Variants in FAM228B observed in about 807,000 individuals in gnomAD.
The protein encoded by FAM228B is protein FAM228B.
A neutral mutation model predicts 42.6 loss-of-function variants in FAM228B; 38 were observed. The ratio of observed to expected loss-of-function variants is 0.89; its 90% CI spans 0.69 to 1.17. The LOEUF is 1.17. Among genes scored for constraint, FAM228B ranks in the 50% most tolerant of loss-of-function variants. The probability of loss-of-function intolerance (pLI) is 0.00; values close to 1 mark genes in which losing one functional copy is unlikely to be tolerated. For synonymous variants in FAM228B, 109 were observed against 122.3 expected (o/e 0.89, Z 0.72); for missense variants, 344 against 367.3 (o/e 0.94, Z 0.52).
intron 3 of FAM228B, among the ~76,000 whole-genome samples, chr2:24,115,100 G>GT (rs1665872951): frequency 6.6e-6 from 1 of 152,226 alleles, no homozygotes; most frequent in Admixed American, 6.5e-5. Context: ...GCAGGGAGTT[G>GT]TATTACAGGA....
chr2:24,089,641 G>C (rs1482201918), intron 2 of FAM228B, among the ~76,000 whole-genome samples: 3 of 152,108 alleles, frequency 2.0e-5, no homozygotes, highest in African/African-American at 4.8e-5. Context: ...ACTCAGGGTA[G>C]CCCTGAATCC....
intron 7 of FAM228B, among the ~76,000 whole-genome samples, chr2:24,153,557 G>A (rs893862218): frequency 6.6e-6 from 1 of 152,224 alleles, no homozygotes; most frequent in Non-Finnish European, 1.5e-5. Context: ...GGCTGAGCTG[G>A]TATCCGAGAT....
chr2:24,159,567 C>T (rs974908326), intron 7 of FAM228B, among the ~76,000 whole-genome samples: 1 of 152,110 alleles, frequency 6.6e-6, no homozygotes, highest in Non-Finnish European at 1.5e-5. Context: ...TTGGGTACAT[C>T]CAAGAGGAAA....
chr2:24,112,584 G>A (rs1415377849), intron 3 of FAM228B, among the ~76,000 whole-genome samples: 2 of 152,128 alleles, frequency 1.3e-5, no homozygotes, highest in African/African-American at 2.4e-5. Flanking sequence ...TTATGGGCAT[G>A]AGCCACCATG....
rs137959025 is a variant in FAM228B, at chr2:24,081,642, T to C, written c.-210+687T>C. ...CAGCCTCATTTTTCACAAATCACAA[T>C]AGTCATCCTTCACTACTGAGTGCAG... On this transcript the variant is annotated intron_variant, in intron 2 of 10. Coordinates refer to the FAM228B transcript ENST00000613899. Among the ~76,000 whole-genome samples the C allele has an allele frequency of 2.6e-5, 4 of 152,156 alleles. No individual in the cohort carries two copies. In the East Asian group the frequency reaches 7.7e-4, roughly 29 times the overall value.
upstream of FAM228B, chr2:24,122,778 G>C (rs1246655429): frequency 4.5e-5 from 16 of 356,804 alleles, no homozygotes; most frequent in Middle Eastern, 7.2e-4. Context: ...AGCTGAGTTT[G>C]GAAAATCACA....
intron 7 of FAM228B, among the ~76,000 whole-genome samples, chr2:24,160,610 A>G (rs1263477381): frequency 1.3e-5 from 2 of 151,684 alleles, no homozygotes; most frequent in African/African-American, 2.4e-5. Flanking sequence ...TCCCCCCAAT[A>G]TGCTTGTTCA....
chr2:24,155,583 CAGGTTG>C (rs1667123764), intron 7 of FAM228B, among the ~76,000 whole-genome samples: 1 of 117,916 alleles, frequency 8.5e-6, no homozygotes, highest in Non-Finnish European at 1.6e-5. Flanking sequence ...GCCTGTTGCT[CAGGTTG>C]GATTGCAGTG....
chr2:24,077,525 G>A lies in FAM228B; in HGVS notation c.-290+556G>A. The A allele has an allele frequency of 4.5e-6, 7 of 1,548,886 alleles. No homozygotes were observed. In the South Asian group the frequency reaches 8.4e-5, roughly 19 times the overall value. ...GCCTGTCTATTGTGAATCTTCTCCA[G>A]GTTTGCTCTGGAAAGGCCTGGGGTG... On this transcript the variant is annotated intron_variant, in intron 1 of 10. Transcript: ENST00000613899. This position sits in a 1 kb window ranked among gnomAD's most constrained non-coding sequence, Gnocchi z 5.5.
Position 24,123,507 on chromosome 2 carries a change from C to G in FAM228B, c.-59C>G, listed in dbSNP as rs951790006. 5 of 152,298 alleles carry G rather than the reference C, an allele frequency of 3.3e-5. No individual in the cohort carries two copies. Among genetic ancestry groups the G allele is most frequent in the African/African-American group, 1.2e-4 (5 of 41,562 alleles). 9.4% of individuals were successfully genotyped at this position (152,298 alleles called of 1,614,324 possible). A position where few individuals can be genotyped will look rare whatever the true frequency, so the allele number is the denominator to read the frequency against. ...AACCCGCGGCGCAGGGGGCGGAGTG[C>G]TCGCGCGGCGCTGCGTCCGGGAGAC... On this transcript the variant is annotated 5_prime_UTR_variant, in exon 1 of 11. Coordinates refer to ENST00000615575, the MANE Select transcript of FAM228B (RefSeq NM_001145710.2).
At chr2:24,140,823 G>A (rs532392057) in intron 5 of FAM228B, among the ~76,000 whole-genome samples, 7 of 151,854 alleles carry the variant, frequency 4.6e-5, no homozygotes, top group African/African-American at 1.7e-4. Context: ...TTAGCCGGGT[G>A]TGGTGGCATG....
intron 2 of FAM228B, among the ~76,000 whole-genome samples, chr2:24,094,463 A>T (rs1012736804): frequency 2.6e-5 from 4 of 152,186 alleles, no homozygotes. Context: ...TTTAATACTG[A>T]CATTTTAAAC....
chr2:24,119,514 A>C, upstream of FAM228B: 1 of 1,188,470 alleles, frequency 8.4e-7, no homozygotes, highest in Non-Finnish European at 1.2e-6. Context: ...GATCTCTGTT[A>C]CTCGTAGTCG....
rs1171532136 is a variant in FAM228B at position 24,095,454 on chromosome 2, T to C, written c.-121+225T>C. 6.6e-6 allele frequency: 1 copy of C among 152,276 alleles called. No homozygotes were observed. 9.4% of individuals were successfully genotyped at this position (152,276 alleles called of 1,614,324 possible). ...TAGCCACCGGCAGACAAGGAGATTC[T>C]CTCCCATGCCTGGCTCGGCGGGTTC... On this transcript the variant is annotated intron_variant, in intron 3 of 10. Transcript: ENST00000613899. This position sits in a 1 kb window ranked among gnomAD's most constrained non-coding sequence, Gnocchi z 4.8.
chr2:24,119,696 ATAAGAGAAT>A, upstream of FAM228B: 1 of 1,589,260 alleles, frequency 6.3e-7, no homozygotes, highest in African/African-American at 1.3e-5. Context: ...TATAAAGAAT[ATAAGAGAAT>A]ATTCTGCTCT....
upstream of FAM228B, among the ~76,000 whole-genome samples, chr2:24,118,534 T>G (rs753391487): frequency 3.3e-5 from 5 of 152,178 alleles, no homozygotes; most frequent in Non-Finnish European, 5.9e-5. Context: ...GACAAATGCC[T>G]TCCAGGGATT....
chr2:24,139,587 T>G, intron 5 of FAM228B, 137 bp downstream of exon 5: 1 of 451,944 alleles, frequency 2.2e-6, no homozygotes. Context: ...CGCCTGATCT[T>G]AGAAAGGAAC....
In FAM228B at chr2:24,096,000, G is replaced by A. The variant is rs1665490428; in HGVS notation, c.-121+771G>A. ...TACCCAGGAAAACAGGGTCTGGGGTGGACCTCCAGCAAACTCCAACCGACC... is the reference window on the plus strand; with the variant it reads ...TACCCAGGAAAACAGGGTCTGGGGTAGACCTCCAGCAAACTCCAACCGACC... On this transcript the variant is annotated intron_variant, in intron 3 of 10. Transcript: ENST00000613899. This position sits in a 1 kb window ranked among gnomAD's most constrained non-coding sequence, Gnocchi z 4.8. 6.6e-6 allele frequency: 1 copy of A among 152,384 alleles called. No homozygotes were observed. The highest frequency in any genetic ancestry group is 2.1e-4 in the South Asian group (1 of 4,840). The allele number at this position is 152,384 out of a possible 1,614,324, so 9.4% of individuals were successfully genotyped here. A position where few individuals can be genotyped will look rare whatever the true frequency, so the allele number is the denominator to read the frequency against.
chr2:24,141,267 G>A (rs560665143), intron 5 of FAM228B, among the ~76,000 whole-genome samples: 64 of 151,974 alleles, frequency 4.2e-4, no homozygotes, highest in African/African-American at 1.4e-3. Flanking sequence ...GTTTTGAGAC[G>A]GAGTCTTGCT....
Sources: allele counts gnomAD v4.1 joint callset (sites outside exome capture counted in the v4.1 genomes callset), GRCh38; gene constraint gnomAD v4.1.1; non-coding constraint Gnocchi (gnomAD v3.1); transcripts MANE v1.5; gene names NCBI Gene and HGNC (gene_info 2026-07-23, HGNC 2026-07-21).